Variants in MACF1 observed in about 807,000 individuals in gnomAD.
MACF1 encodes microtubule actin crosslinking factor 1.
In MACF1, 193 loss-of-function variants were observed where a neutral mutation model predicts 854.8. That is an observed-to-expected ratio of 0.23 (90% CI 0.20 to 0.25). The LOEUF (loss-of-function observed/expected upper bound fraction) is 0.25, where lower values mean the gene tolerates loss of function less well. Ranked by LOEUF, MACF1 falls within the 10% of genes least tolerant of loss-of-function variation. The pLI is 1.00. For missense variants in MACF1, 7,722 were observed against 8,929.1 expected, an observed-to-expected ratio of 0.86 and a Z score of 5.45; for synonymous variants, 3,185 against 3,226.7, an observed-to-expected ratio of 0.99 and a Z score of 0.44.
intron 2 of MACF1, among the ~76,000 whole-genome samples, chr1:39,234,940 G>T (rs1644841386): frequency 6.6e-6 from 1 of 151,322 alleles, no homozygotes; most frequent in Non-Finnish European, 1.5e-5. Flanking sequence ...TCACTTCCTA[G>T]ATGTGATGGC....
At chr1:39,218,981 A>G (rs977947311) in intron 1 of MACF1, among the ~76,000 whole-genome samples, 3 of 152,080 alleles carry the variant, frequency 2.0e-5, no homozygotes, top group Non-Finnish European at 4.4e-5. Context: ...GGGTTTCACC[A>G]TGTTGGCCAG....
At chr1:39,093,039 C>T (rs1641846869) in intron 2 of MACF1, among the ~76,000 whole-genome samples, 1 of 152,140 alleles carries the variant, frequency 6.6e-6, no homozygotes, top group Admixed American at 6.6e-5. Context: ...CCGCCTGGGC[C>T]TCCGAAAGTG....
intron 4 of MACF1, 55 bp from the exon 5 acceptor site, chr1:39,254,243 T>G (rs1645073754): frequency 1.4e-6 from 2 of 1,402,678 alleles, no homozygotes; most frequent in Non-Finnish European, 2.0e-6. Context: ...AGAAAGGGTC[T>G]GTATGGTTAA....
chr1:39,284,511 CT>C, intron 11 of MACF1, 83 bp downstream of exon 11: 1 of 854,614 alleles, frequency 1.2e-6, no homozygotes, highest in Non-Finnish European at 1.8e-6. Context: ...TCCTTGTATT[CT>C]TTTCCCAAAC....
chr1:39,417,232 G>A (rs545742749), intron 58 of MACF1, among the ~76,000 whole-genome samples: 7 of 152,236 alleles, frequency 4.6e-5, no homozygotes, highest in Admixed American at 1.3e-4. Flanking sequence ...CCAAAAACTC[G>A]TTTGCTTTTT....
At chr1:39,289,728 G>T in intron 15 of MACF1, among the ~76,000 whole-genome samples, 1 of 9,348 alleles carries the variant, frequency 1.1e-4, no homozygotes, top group African/African-American at 2.0e-4. Context: ...TTTTTTTTGA[G>T]ACAGAGTCTT....
intron 41 of MACF1, among the ~76,000 whole-genome samples, chr1:39,348,297 C>A (rs769224509): frequency 5.9e-5 from 9 of 152,146 alleles, no homozygotes; most frequent in Non-Finnish European, 1.2e-4. Flanking sequence ...AAGTAAAATT[C>A]ATCTGAGCCA....
chr1:39,304,890 TC>T (rs1369648962), intron 23 of MACF1: 2 of 158,424 alleles, frequency 1.3e-5, no homozygotes, highest in East Asian at 3.8e-4. Context: ...TAAACGTTTG[TC>T]CTGCCATGAC....
At chr1:39,347,592 G>C (rs1284742779) in intron 41 of MACF1, among the ~76,000 whole-genome samples, 1 of 152,050 alleles carries the variant, frequency 6.6e-6, no homozygotes, top group Non-Finnish European at 1.5e-5. Flanking sequence ...AGAACATCTA[G>C]ATACCCTGAG....
At chr1:39,119,851 G>A (rs1392752548) in intron 2 of MACF1, among the ~76,000 whole-genome samples, 1 of 146,884 alleles carries the variant, frequency 6.8e-6, no homozygotes, top group Non-Finnish European at 1.5e-5. Flanking sequence ...GAATTGTAAT[G>A]TGCAGAATAT....
intron 2 of MACF1, among the ~76,000 whole-genome samples, chr1:39,123,709 C>CTTGTT (rs1454947957): frequency 3.2e-5 from 3 of 94,386 alleles, no homozygotes; most frequent in African/African-American, 7.1e-5. Context: ...CCGGCTAATT[C>CTTGTT]TTGTTTTGTT....
chr1:39,405,395 A>C (rs1237402335), intron 58 of MACF1, among the ~76,000 whole-genome samples: 1 of 152,208 alleles, frequency 6.6e-6, no homozygotes, highest in African/African-American at 2.4e-5. Flanking sequence ...ATCCTCTTCT[A>C]CTCAGAATTA....
chr1:39,162,320 A>G lies in MACF1; in HGVS notation c.221-68862A>G, dbSNP rs114343946. On this transcript the variant is annotated intron_variant, in intron 2 of 93. Coordinates refer to the MACF1 transcript ENST00000361689. ...CTCGGCCTCTGTCGCTTAAGTAAAT[A>G]GATAGATTAAAAACAAAAAAGAAGT... Among the ~76,000 whole-genome samples, 315 of 152,294 alleles carry G rather than the reference A, an allele frequency of 2.1e-3. 2 individuals are homozygous for G. The highest frequency in any genetic ancestry group is 6.8e-3 in the Middle Eastern group (2 of 294).
chr1:39,434,516 T>C lies in MACF1; in HGVS notation c.17668T>C (p.Trp5890Arg), dbSNP rs199831371. The change falls in exon 69 of 101, where the codon TGG (tryptophan) becomes CGG (arginine). Residue 5890 changes from tryptophan (W) to arginine (R), a missense_variant. Trp to Arg is a moderately radical substitution (Grantham distance 101). Coordinates refer to ENST00000564288, the MANE Select transcript of MACF1 (RefSeq NM_001394062.1). The stretch of plus-strand genomic sequence containing the variant: ...GGCCCAGGTCTTAGTAAACCAGTTT[T>C]GGGAAACTTATGAAGAGCTCAGCCC... ...ERAQVLVNQF[W>R]ETYEELSPWI... is the part of the protein sequence containing the mutation. The C allele has an allele frequency of 1.2e-6, 2 of 1,614,084 alleles. No individual in the cohort carries two copies. Among genetic ancestry groups the C allele is most frequent in the Admixed American group, 3.3e-5 (2 of 60,016 alleles).
chr1:39,222,273 A>C (rs1286645752), intron 1 of MACF1, among the ~76,000 whole-genome samples: 1 of 152,170 alleles, frequency 6.6e-6, no homozygotes. Context: ...CACAGGCGCA[A>C]GCCACCATGC....
Position 39,442,826 on chromosome 1 carries a change from G to C in MACF1, c.19217G>C (p.Arg6406Pro). The C allele has an allele frequency of 2.5e-6, 4 of 1,614,120 alleles. No individual in the cohort carries two copies. The highest frequency in any genetic ancestry group is 3.4e-6 in the Non-Finnish European group (4 of 1,179,986). ...GATGATGCCAGCAGCTTAAGGAGCC[G>C]TTTGGAAGCCATGAACCAATGCTGG... ...AGDDASSLRSRLEAMNQCWES... is the reference protein window; with the variant it reads ...AGDDASSLRSPLEAMNQCWES... The change falls in exon 78 of 101, where the codon CGT (arginine) becomes CCT (proline). Residue 6406 changes from arginine to proline, a missense_variant. Physicochemically the swap from Arg to Pro is moderately radical, Grantham distance 103. Coordinates refer to ENST00000564288, the MANE Select transcript of MACF1 (RefSeq NM_001394062.1).
chr1:39,103,183 C>T (rs1238746208), intron 2 of MACF1: 1 of 377,106 alleles, frequency 2.7e-6, no homozygotes, highest in African/African-American at 2.1e-5. Flanking sequence ...CCTGCAACGC[C>T]CCCAGGTCTT....
intron 2 of MACF1, among the ~76,000 whole-genome samples, chr1:39,169,919 A>G (rs1451596081): frequency 6.7e-6 from 1 of 150,208 alleles, no homozygotes; most frequent in Non-Finnish European, 1.5e-5. Context: ...GACTACAGGC[A>G]CCTGCCACCA....
At chr1:39,173,699 G>C (rs1389259092) in intron 2 of MACF1, among the ~76,000 whole-genome samples, 2 of 152,218 alleles carry the variant, frequency 1.3e-5, no homozygotes, top group Admixed American at 6.5e-5. Flanking sequence ...TGAAGGTCCA[G>C]AGTTACTGAG....
Sources: allele counts gnomAD v4.1 joint callset (sites outside exome capture counted in the v4.1 genomes callset), GRCh38; gene constraint gnomAD v4.1.1; transcripts MANE v1.5; gene names NCBI Gene and HGNC (gene_info 2026-07-23, HGNC 2026-07-21).